Variants in ASPHD2 observed in about 807,000 individuals in gnomAD.
ASPHD2 encodes aspartate beta-hydroxylase domain-containing protein 2.
ASPHD2 carries 12 observed loss-of-function variants against 34.6 expected under a neutral mutation model. The ratio of observed to expected loss-of-function variants is 0.35; its 90% CI spans 0.22 to 0.56. The LOEUF (loss-of-function observed/expected upper bound fraction) is 0.56. Ranked by LOEUF, ASPHD2 falls within the 20% of genes least tolerant of loss-of-function variation. The pLI is 0.87. For synonymous variants in ASPHD2, 224 were observed against 212.2 expected (o/e 1.06, Z -0.48); for missense variants, 375 against 505.0 (o/e 0.74, Z 2.47).
intron 2 of ASPHD2, among the ~76,000 whole-genome samples, chr22:26,438,494 C>CATACATATAT (rs201240604): frequency 1.5e-5 from 1 of 65,264 alleles, no homozygotes. Flanking sequence ...TATATAGATA[C>CATACATATAT]ACACATACAT....
chr22:26,433,869 C>G lies in ASPHD2; in HGVS notation c.254C>G (p.Pro85Arg), dbSNP rs2084773372. ...CACGTGGGCAGGGAGCAGCCCCGGCCCTACGTCTCCGTCAACTCCCTCATG... is the reference window on the plus strand; with the variant it reads ...CACGTGGGCAGGGAGCAGCCCCGGCGCTACGTCTCCGTCAACTCCCTCATG... ...CYHVGREQPR[P>R]YVSVNSLMQA... Residue 85 changes from proline (P) to arginine (R), a missense_variant, in exon 2 of 4, where the codon CCC becomes CGC. By Grantham distance (103) the Pro-to-Arg change is moderately radical. Around this residue, in one of 3 missense-constraint regions of ASPHD2, gnomAD observed 223 missense variants for 257.8 expected, o/e 0.87. Coordinates refer to ENST00000215906, the MANE Select transcript of ASPHD2 (RefSeq NM_020437.5). The surrounding 1 kb of genome is among the most constrained non-coding windows in gnomAD (Gnocchi z 5.1). The G allele has an allele frequency of 2.5e-6, 4 of 1,613,882 alleles. No homozygotes were observed. The highest frequency in any genetic ancestry group is 3.4e-6 in the Non-Finnish European group (4 of 1,180,038).
At position 26,438,632 on chromosome 22, in the gene ASPHD2, TAC is replaced by T. The variant is rs1173290129; in HGVS notation, c.887-3825_887-3824del. On this transcript the variant is annotated intron_variant, in intron 2 of 3. Coordinates refer to ENST00000215906, the MANE Select transcript of ASPHD2 (RefSeq NM_020437.5). Reference sequence around the variant, plus strand: ...ACATATATATATACACACATATATATACATATATATATACACATACATATATA... The same window carrying T: ...ACATATATATATACACACATATATATATATATATATACACATACATATATA... Among the ~76,000 whole-genome samples the T allele has an allele frequency of 4.4e-4, 24 of 54,286 alleles. 1 individual carries two copies. Among genetic ancestry groups the T allele is most frequent in the South Asian group, 1.5e-3 (2 of 1,306 alleles). The allele number at this position is 54,286 out of a possible 152,430, so 35.6% of individuals were successfully genotyped here.
chr22:26,431,916 C>T (rs894359813), intron 1 of ASPHD2, among the ~76,000 whole-genome samples: 2 of 152,186 alleles, frequency 1.3e-5, no homozygotes, highest in Admixed American at 6.5e-5. Flanking sequence ...ACTGAGGCAG[C>T]CAGGCGCAGT....
At chr22:26,430,882 T>C (rs1042639576) in intron 1 of ASPHD2, among the ~76,000 whole-genome samples, 1 of 152,186 alleles carries the variant, frequency 6.6e-6, no homozygotes, top group African/African-American at 2.4e-5. Flanking sequence ...TAGGGAGGGC[T>C]CATGGCTGGC....
At chr22:26,431,806 A>G (rs893517960) in intron 1 of ASPHD2, among the ~76,000 whole-genome samples, 1 of 152,170 alleles carries the variant, frequency 6.6e-6, no homozygotes, top group Admixed American at 6.5e-5. Context: ...GCCTGCATAT[A>G]TTGGGTGCTC....
chr22:26,444,916 G>A lies in ASPHD2; in HGVS notation c.*1710G>A, dbSNP rs2084902740. The A allele has an allele frequency of 6.6e-6, 1 of 152,176 alleles. No homozygotes were observed. The highest frequency in any genetic ancestry group is 2.4e-5 in the African/African-American group (1 of 41,432). The allele number at this position is 152,176 out of a possible 1,614,324, so 9.4% of individuals were successfully genotyped here. On this transcript the variant is annotated 3_prime_UTR_variant, in exon 4 of 4. Transcript: ENST00000215906. The stretch of plus-strand genomic sequence containing the variant: ...ACACATCGTGACTGCTCTGCTCTGC[G>A]TTTACAAAACCAACAGCCCGCGCAG...
rs537854241 is a variant in ASPHD2, at chr22:26,438,231, C to T, written c.886+3730C>T. 7.9e-5 allele frequency among the ~76,000 whole-genome samples: 12 copies of T among 152,264 alleles called. No homozygotes were observed. In the South Asian group the frequency reaches 8.3e-4, roughly 11 times the overall value. ...AGTAGGGGCACACGCCAAAGGAAAA[C>T]GTAGCCTCTGAGTCCCTCCATCTGG... On this transcript the variant is annotated intron_variant, in intron 2 of 3. Transcript: ENST00000215906.
chr22:26,443,368 T>C lies in ASPHD2; in HGVS notation c.*162T>C. 1 of 604,844 alleles carries C rather than the reference T, an allele frequency of 1.7e-6. No homozygotes were observed. The highest frequency in any genetic ancestry group is 2.0e-5 in the South Asian group (1 of 49,780). 37.5% of individuals were successfully genotyped at this position (604,844 alleles called of 1,614,324 possible). A position where few individuals can be genotyped will look rare whatever the true frequency, so the allele number is the denominator to read the frequency against. Reference sequence around the variant, plus strand: ...TATCATGTCGGGTCCCTCTTTCCCTTGGTTATTGTAAATGGAAACTTTTCG... The same window carrying C: ...TATCATGTCGGGTCCCTCTTTCCCTCGGTTATTGTAAATGGAAACTTTTCG... On this transcript the variant is annotated 3_prime_UTR_variant, in exon 4 of 4. Coordinates refer to ENST00000215906, the MANE Select transcript of ASPHD2 (RefSeq NM_020437.5).
At position 26,443,221 on chromosome 22, in the gene ASPHD2, C is replaced by G. The variant is rs140180423; in HGVS notation, c.*15C>G. On this transcript the variant is annotated 3_prime_UTR_variant, in exon 4 of 4. Coordinates refer to ENST00000215906, the MANE Select transcript of ASPHD2 (RefSeq NM_020437.5). Reference sequence around the variant, plus strand: ...CGGGACGATGAGAGTATTTCCCATGCTGGAGTCGGCGAGAAGGGCCGAGGC... The same window carrying G: ...CGGGACGATGAGAGTATTTCCCATGGTGGAGTCGGCGAGAAGGGCCGAGGC... 2.5e-6 allele frequency: 4 copies of G among 1,610,438 alleles called. No individual in the cohort carries two copies. Among genetic ancestry groups the G allele is most frequent in the Middle Eastern group, 3.3e-4 (2 of 6,058 alleles).
At position 26,444,267 on chromosome 22, in the gene ASPHD2, C is replaced by T. The variant is rs1357305926; in HGVS notation, c.*1061C>T. On this transcript the variant is annotated 3_prime_UTR_variant, in exon 4 of 4. Transcript: ENST00000215906. ...ATTTATTTGTCTGTACATAAATGTT[C>T]AAACACTAGACTTGGAGATAGTGGA... 6.7e-6 allele frequency: 1 copy of T among 150,174 alleles called. No homozygotes were observed. Among genetic ancestry groups the T allele is most frequent in the South Asian group, 2.1e-4 (1 of 4,786 alleles). The allele number at this position is 150,174 out of a possible 1,614,324, so 9.3% of individuals were successfully genotyped here. A position where few individuals can be genotyped will look rare whatever the true frequency, so the allele number is the denominator to read the frequency against.
chr22:26,435,995 CT>C, intron 2 of ASPHD2, among the ~76,000 whole-genome samples: 1 of 152,324 alleles, frequency 6.6e-6, no homozygotes. Context: ...TACATGGCCC[CT>C]TGGCAGGATT....
In ASPHD2 at chr22:26,443,523, C is replaced by T. The variant is rs566434223; in HGVS notation, c.*317C>T. 4.9e-6 allele frequency: 1 copy of T among 202,710 alleles called. No individual in the cohort carries two copies. The highest frequency in any genetic ancestry group is 1.2e-4 in the East Asian group (1 of 8,342). 12.6% of individuals were successfully genotyped at this position (202,710 alleles called of 1,614,324 possible). A position where few individuals can be genotyped will look rare whatever the true frequency, so the allele number is the denominator to read the frequency against. ...AGACTTAGTGCCCTTGTAAGTCTGT[C>T]TTCTGTTGCTACTTGTTTTTTTCAG... On this transcript the variant is annotated 3_prime_UTR_variant, in exon 4 of 4. Coordinates refer to ENST00000215906, the MANE Select transcript of ASPHD2 (RefSeq NM_020437.5).
chr22:26,436,633 G>A (rs775752074), intron 2 of ASPHD2, among the ~76,000 whole-genome samples: 24 of 152,210 alleles, frequency 1.6e-4, no homozygotes, highest in African/African-American at 4.3e-4. Context: ...AATGGAGGCC[G>A]TGGGCAATGG....
rs773775321 is a variant in ASPHD2, at chr22:26,433,847, G to A, written c.232G>A (p.Val78Met). ...CCTCTTCGTGTGGTACTGTTATCAC[G>A]TGGGCAGGGAGCAGCCCCGGCCCTA... ...LVLFVWYCYHVGREQPRPYVS... is the reference protein window; with the variant it reads ...LVLFVWYCYHMGREQPRPYVS... The change falls in exon 2 of 4, where the codon GTG (valine) becomes ATG (methionine). Residue 78 changes from valine (V) to methionine (M), a missense_variant. This residue lies in a region of ASPHD2 where 223 missense variants were observed against 257.8 expected (regional missense o/e 0.87). Coordinates refer to ENST00000215906, the MANE Select transcript of ASPHD2 (RefSeq NM_020437.5). The surrounding 1 kb of genome is among the most constrained non-coding windows in gnomAD (Gnocchi z 5.1). 2.5e-6 allele frequency: 4 copies of A among 1,613,922 alleles called. No individual in the cohort carries two copies. The South Asian group carries it at 4.4e-5, about 18-fold the overall frequency.
At chr22:26,438,020 A>G (rs1307415500) in intron 2 of ASPHD2, among the ~76,000 whole-genome samples, 1 of 152,140 alleles carries the variant, frequency 6.6e-6, no homozygotes, top group Non-Finnish European at 1.5e-5. Context: ...AATGAAGGGG[A>G]GGCGGAGAAC....
chr22:26,433,057 G>A lies in ASPHD2; in HGVS notation c.-224-335G>A, dbSNP rs79294516. Among the ~76,000 whole-genome samples, 13,617 of 152,206 alleles carry A rather than the reference G, an allele frequency of 0.089. 689 individuals carry two copies. Among genetic ancestry groups the A allele is most frequent in the Middle Eastern group, 0.14 (40 of 294 alleles). On this transcript the variant is annotated intron_variant, in intron 1 of 3. Transcript: ENST00000215906. The surrounding 1 kb of genome is among the most constrained non-coding windows in gnomAD (Gnocchi z 5.1). Reference sequence around the variant, plus strand: ...GTAGACATGGGCCTTGAAGTCAGATGGGGTTTGAGTCTCTGCCCTGGCTGT... The same window carrying A: ...GTAGACATGGGCCTTGAAGTCAGATAGGGTTTGAGTCTCTGCCCTGGCTGT...
chr22:26,443,619 TAAAAAAAAA>T lies in ASPHD2; in HGVS notation c.*423_*431del, dbSNP rs35059406. ...AATGTAAAACTTCTTGTGGTCATCTTAAAAAAAAAAAAAAAAAACTAAAAACTGCAAACC... is the reference window on the plus strand; with the variant it reads ...AATGTAAAACTTCTTGTGGTCATCTTAAAAAAAAACTAAAAACTGCAAACC... On this transcript the variant is annotated 3_prime_UTR_variant, in exon 4 of 4. Transcript: ENST00000215906. 7.7e-6 allele frequency: 1 copy of T among 129,962 alleles called. No individual in the cohort carries two copies. Among genetic ancestry groups the T allele is most frequent in the Admixed American group, 7.7e-5 (1 of 12,908 alleles). The allele number at this position is 129,962 out of a possible 1,614,324, so 8.1% of individuals were successfully genotyped here.
At chr22:26,435,184 A>G (rs2084783196) in intron 2 of ASPHD2, among the ~76,000 whole-genome samples, 1 of 152,186 alleles carries the variant, frequency 6.6e-6, no homozygotes, top group African/African-American at 2.4e-5. Flanking sequence ...TCTGAGCCTC[A>G]ATTTCACTAT....
intron 2 of ASPHD2, 50 bp downstream of exon 2, chr22:26,434,551 C>A (rs1292210589): frequency 2.0e-6 from 3 of 1,512,974 alleles, no homozygotes; most frequent in Middle Eastern, 1.8e-4. Flanking sequence ...GCAAGCTCAG[C>A]CCCTCTCCAT....
Sources: allele counts gnomAD v4.1 joint callset (sites outside exome capture counted in the v4.1 genomes callset), GRCh38; gene constraint gnomAD v4.1.1; regional missense constraint gnomAD v4.1.1; non-coding constraint Gnocchi (gnomAD v3.1); transcripts MANE v1.5; gene names NCBI Gene and HGNC (gene_info 2026-07-23, HGNC 2026-07-21).